The following AMER2 variants were observed in gnomAD, a reference collection of about 807,000 sequenced individuals.
AMER2 encodes APC membrane recruitment protein 2, also known as family with sequence similarity 123A.
Under a neutral mutation model 4.7 loss-of-function variants are expected in AMER2, and 1 was observed. The ratio of observed to expected loss-of-function variants is 0.21; its 90% CI spans 0.07 to 1.00. The LOEUF (loss-of-function observed/expected upper bound fraction) is 1.00. Ranked by LOEUF, AMER2 falls within the 50% of genes least tolerant of loss-of-function variation. The pLI, the probability that AMER2 is intolerant of heterozygous loss-of-function variation, is 0.60. For missense variants in AMER2, 988 were observed against 966.9 expected (o/e 1.02, Z -0.29); for synonymous variants, 485 against 433.3 (o/e 1.12, Z -1.48).
In AMER2 at chr13:25,167,150, TTTCTTC is replaced by T. The variant is rs1294537301; in HGVS notation, c.*2448_*2453del. The stretch of plus-strand genomic sequence containing the variant: ...TCCTAAAATTATGAAAGCAAAAACT[TTTCTTC>T]TACTGCTTAAGAAATAGATTGCCTT... On this transcript the variant is annotated 3_prime_UTR_variant, in exon 1 of 1. Coordinates refer to ENST00000515384, the MANE Select transcript of AMER2 (RefSeq NM_152704.4). 1.7e-4 allele frequency: 26 copies of T among 152,272 alleles called. No homozygotes were observed. Among genetic ancestry groups the T allele is most frequent in the African/African-American group, 5.8e-4 (24 of 41,570 alleles). 9.4% of individuals were successfully genotyped at this position (152,272 alleles called of 1,614,324 possible). A position where few individuals can be genotyped will look rare whatever the true frequency, so the allele number is the denominator to read the frequency against.
In AMER2 at chr13:25,171,505, G is replaced by GGGTCCC. The variant is rs759614388; in HGVS notation, c.109_114dup (p.Gly37_Thr38dup). The GGGTCCC allele has an allele frequency of 5.1e-4, 818 of 1,603,936 alleles. 2 individuals carry two copies. The highest frequency in any genetic ancestry group is 6.6e-4 in the Non-Finnish European group (779 of 1,177,928). On this transcript the variant is annotated inframe_insertion, in exon 1 of 1. Coordinates refer to ENST00000515384, the MANE Select transcript of AMER2 (RefSeq NM_152704.4). This position sits in a 1 kb window ranked among gnomAD's most constrained non-coding sequence, Gnocchi z 5.9. ...CAATGCAAGTCCATGTCTGCCGCGA[G>GGGTCCC]GGTCCCGGTCCCGGCCCCGGCCTCC... is the stretch of plus-strand genomic sequence containing the variant.
At position 25,168,171 on chromosome 13, in the gene AMER2, A is replaced by G; in HGVS notation, c.*1433T>C. 1 of 152,204 alleles carries G rather than the reference A, an allele frequency of 6.6e-6. No individual in the cohort carries two copies. Among genetic ancestry groups the G allele is most frequent in the East Asian group, 1.9e-4 (1 of 5,200 alleles). The allele number at this position is 152,204 out of a possible 1,614,324, so 9.4% of individuals were successfully genotyped here. ...ACTAGGCATATAATAACCCTTTCTG[A>G]AATAAATGTTTCATCTGAAATATTA... On this transcript the variant is annotated 3_prime_UTR_variant, in exon 1 of 1. Coordinates refer to ENST00000515384, the MANE Select transcript of AMER2 (RefSeq NM_152704.4).
rs982747890 is a variant in AMER2 at position 25,170,033 on chromosome 13, C to T, written c.1587G>A (p.Thr529=). The part of the protein sequence containing the change: ...NSDEGYWDST[T]PGPEEDSSSS... ...TCGAGCTGTCTTCCTCTGGGCCTGG[C>T]GTGGTGGAGTCCCAGTAGCCCTCGT... The change falls in exon 1 of 1, where the codon ACG becomes ACA. Residue 529 remains threonine, a synonymous_variant. Transcript: ENST00000515384. This position sits in a 1 kb window ranked among gnomAD's most constrained non-coding sequence, Gnocchi z 7.3. The T allele has an allele frequency of 6.2e-7, 1 of 1,613,690 alleles. No homozygotes were observed. Among genetic ancestry groups the T allele is most frequent in the Non-Finnish European group, 8.5e-7 (1 of 1,179,856 alleles).
In AMER2 at chr13:25,166,152, C is replaced by T. The variant is rs148090159; in HGVS notation, c.*3452G>A. Reference sequence around the variant, plus strand: ...GATGAAGAAATAAATCCTTTAAACACGGTGAGTTATTACCTTCATAGATAT... The same window carrying T: ...GATGAAGAAATAAATCCTTTAAACATGGTGAGTTATTACCTTCATAGATAT... On this transcript the variant is annotated 3_prime_UTR_variant, in exon 1 of 1. Transcript: ENST00000515384. 5.9e-5 allele frequency: 9 copies of T among 152,268 alleles called. No homozygotes were observed. The highest frequency in any genetic ancestry group is 3.9e-4 in the Admixed American group (6 of 15,296). 9.4% of individuals were successfully genotyped at this position (152,268 alleles called of 1,614,324 possible). A position where few individuals can be genotyped will look rare whatever the true frequency, so the allele number is the denominator to read the frequency against.
At position 25,168,745 on chromosome 13, in the gene AMER2, A is replaced by G. The variant is rs1956509411; in HGVS notation, c.*859T>C. 1 of 152,688 alleles carries G rather than the reference A, an allele frequency of 6.5e-6. No individual in the cohort carries two copies. Among genetic ancestry groups the G allele is most frequent in the Non-Finnish European group, 1.5e-5 (1 of 68,048 alleles). 9.5% of individuals were successfully genotyped at this position (152,688 alleles called of 1,614,324 possible). ...AAACGGTAAAATATGCATTATCTTC[A>G]CATGAAAAGGTTTCAGTTTATAAAT... On this transcript the variant is annotated 3_prime_UTR_variant, in exon 1 of 1. Coordinates refer to ENST00000515384, the MANE Select transcript of AMER2 (RefSeq NM_152704.4).
Position 25,170,666 on chromosome 13 carries a change from G to T in AMER2, c.954C>A (p.Asp318Glu), listed in dbSNP as rs1237914039. 6.5e-7 allele frequency: 1 copy of T among 1,547,664 alleles called. No homozygotes were observed. Among genetic ancestry groups the T allele is most frequent in the South Asian group, 1.2e-5 (1 of 83,808 alleles). ...PGPGEVRTAE[D>E]ASRTGAVPVK... The stretch of plus-strand genomic sequence containing the variant: ...CGGGAACGGCCCCCGTCCTGGAAGC[G>T]TCCTCTGCCGTGCGGACCTCCCCGG... Residue 318 changes from aspartate (D) to glutamate (E), a missense_variant, in exon 1 of 1, where the codon GAC (aspartate) becomes GAA (glutamate). Coordinates refer to ENST00000515384, the MANE Select transcript of AMER2 (RefSeq NM_152704.4). This position sits in a 1 kb window ranked among gnomAD's most constrained non-coding sequence, Gnocchi z 7.3.
rs773283297 is a variant in AMER2, at chr13:25,170,927, G to A, written c.693C>T (p.Thr231=). The A allele has an allele frequency of 1.0e-5, 15 of 1,488,284 alleles. No individual in the cohort carries two copies. In the African/African-American group the frequency reaches 1.0e-4, roughly 10 times the overall value. 92.2% of individuals were successfully genotyped at this position (1,488,284 alleles called of 1,614,324 possible). A position where few individuals can be genotyped will look rare whatever the true frequency, so the allele number is the denominator to read the frequency against. The stretch of plus-strand genomic sequence containing the variant: ...CCTCCTTGACGCACTCCAGGCTGGC[G>A]GTGAGCGAGCCGGGTAGGATCAAGC... The part of the protein sequence containing the change: ...GGGLILPGSL[T]ASLECVKEET... Residue 231 remains threonine (T), a synonymous_variant, in exon 1 of 1, where the codon ACC becomes ACT. Coordinates refer to ENST00000515384, the MANE Select transcript of AMER2 (RefSeq NM_152704.4). The surrounding 1 kb of genome is among the most constrained non-coding windows in gnomAD (Gnocchi z 7.3).
Position 25,164,104 on chromosome 13 carries a change from CAA to C in AMER2, c.*5498_*5499del, listed in dbSNP as rs11286133. On this transcript the variant is annotated 3_prime_UTR_variant, in exon 1 of 1. Transcript: ENST00000515384. ...TGGGTGACAGAGTAAGACTCCATCT[CAA>C]AAAAAAAAAAAAAAAAAATTAAAGA... 8.6e-4 allele frequency: 53 copies of C among 61,484 alleles called. No homozygotes were observed. The highest frequency in any genetic ancestry group is 1.7e-3 in the African/African-American group (31 of 17,846). 3.8% of individuals were successfully genotyped at this position (61,484 alleles called of 1,614,324 possible).
chr13:25,171,466 C>G lies in AMER2; in HGVS notation c.154G>C (p.Glu52Gln), dbSNP rs1363682152. The change falls in exon 1 of 1, where the codon GAA becomes CAA. Residue 52 changes from glutamate to glutamine, a missense_variant. Physicochemically the swap from Glu to Gln is conservative, Grantham distance 29. Transcript: ENST00000515384. This position sits in a 1 kb window ranked among gnomAD's most constrained non-coding sequence, Gnocchi z 5.9. ...GACGGCGGCTCGGCGGCCGGCGTTT[C>G]GGCGGCACAGTCACAATGCAAGTCC... ...DMDLHCDCAA[E>Q]TPAAEPPSGK... 4.3e-6 allele frequency: 7 copies of G among 1,610,530 alleles called. No homozygotes were observed. The Admixed American group carries it at 1.0e-4, about 23-fold the overall frequency.
chr13:25,171,692 T>C lies in AMER2; in HGVS notation c.-73A>G, dbSNP rs1270434392. ...AGGCCACTGTCACCCGTATTCTAAA[T>C]CAACCTGAGCCGCGCTCGCCGCCGC... On this transcript the variant is annotated 5_prime_UTR_variant, in exon 1 of 1. The change abolishes the stop of an existing upstream ORF in the 5' untranslated region. Transcript: ENST00000515384. The surrounding 1 kb of genome is among the most constrained non-coding windows in gnomAD (Gnocchi z 5.9). 34 of 1,417,096 alleles carry C rather than the reference T, an allele frequency of 2.4e-5. No homozygotes were observed. Among genetic ancestry groups the C allele is most frequent in the Non-Finnish European group, 3.1e-5 (34 of 1,096,742 alleles). The allele number at this position is 1,417,096 out of a possible 1,614,324, so 87.8% of individuals were successfully genotyped here.
chr13:25,170,598 C>A lies in AMER2; in HGVS notation c.1022G>T (p.Arg341Leu). ...PLVDSEGGSGRAPAAPDPASV... is the reference protein window; with the variant it reads ...PLVDSEGGSGLAPAAPDPASV... Reference sequence around the variant, plus strand: ...GGCAGGGTCTGGGGCGGCGGGCGCCCGGCCGCTGCCGCCTTCGGAGTCGAC... The same window carrying A: ...GGCAGGGTCTGGGGCGGCGGGCGCCAGGCCGCTGCCGCCTTCGGAGTCGAC... Residue 341 changes from arginine to leucine, a missense_variant, in exon 1 of 1, where the codon CGG becomes CTG. Coordinates refer to ENST00000515384, the MANE Select transcript of AMER2 (RefSeq NM_152704.4). This position sits in a 1 kb window ranked among gnomAD's most constrained non-coding sequence, Gnocchi z 7.3. 2 of 1,586,526 alleles carry A rather than the reference C, an allele frequency of 1.3e-6. No individual in the cohort carries two copies. The highest frequency in any genetic ancestry group is 1.8e-5 in the Admixed American group (1 of 54,964).
At position 25,170,869 on chromosome 13, in the gene AMER2, GCTC is replaced by G. The variant is rs1956556998; in HGVS notation, c.748_750del (p.Glu250del). The G allele has an allele frequency of 1.4e-6, 2 of 1,454,226 alleles. No homozygotes were observed. The highest frequency in any genetic ancestry group is 2.9e-5 in the African/African-American group (2 of 68,108). The allele number at this position is 1,454,226 out of a possible 1,614,324, so 90.1% of individuals were successfully genotyped here. ...GGGTCTCGCGGGGCGTCCTGGCTGG[GCTC>G]CTCCGGCTCGCGCGCGGCTCTGGGC... On this transcript the variant is annotated inframe_deletion, in exon 1 of 1. Coordinates refer to ENST00000515384, the MANE Select transcript of AMER2 (RefSeq NM_152704.4). The surrounding 1 kb of genome is among the most constrained non-coding windows in gnomAD (Gnocchi z 7.3).
chr13:25,171,022 C>G lies in AMER2; in HGVS notation c.598G>C (p.Gly200Arg), dbSNP rs753393238. 3.2e-6 allele frequency: 5 copies of G among 1,572,206 alleles called. No homozygotes were observed. The highest frequency in any genetic ancestry group is 2.6e-6 in the Non-Finnish European group (3 of 1,160,850). Reference sequence around the variant, plus strand: ...TTGTCTTTCCTGTGCCAGCGCATGCCGCTGAACAGCCCCCGCAGCCCCCGC... The same window carrying G: ...TTGTCTTTCCTGTGCCAGCGCATGCGGCTGAACAGCCCCCGCAGCCCCCGC... ...QKRGLRGLFS[G>R]MRWHRKDKRA... The change falls in exon 1 of 1, where the codon GGC (glycine) becomes CGC (arginine). Residue 200 changes from glycine to arginine, a missense_variant. Physicochemically the swap from Gly to Arg is moderately radical, Grantham distance 125. Coordinates refer to ENST00000515384, the MANE Select transcript of AMER2 (RefSeq NM_152704.4). This position sits in a 1 kb window ranked among gnomAD's most constrained non-coding sequence, Gnocchi z 5.9.
chr13:25,169,945 A>G lies in AMER2; in HGVS notation c.1675T>C (p.Tyr559His). Residue 559 changes from tyrosine to histidine, a missense_variant, in exon 1 of 1, where the codon TAT becomes CAT. Tyr to His is a moderately conservative substitution (Grantham distance 83). Coordinates refer to ENST00000515384, the MANE Select transcript of AMER2 (RefSeq NM_152704.4). This position sits in a 1 kb window ranked among gnomAD's most constrained non-coding sequence, Gnocchi z 4.2. ...SYSGDALYDL[Y>H]ADPDGSPATL... ...GCTGGACTTCCGTCCGGGTCAGCAT[A>G]GAGATCATAGAGCGCGTCCCCGCTG... is the stretch of plus-strand genomic sequence containing the variant. 1.2e-6 allele frequency: 2 copies of G among 1,613,740 alleles called. No individual in the cohort carries two copies.
In AMER2 at chr13:25,171,269, G is replaced by T; in HGVS notation, c.351C>A (p.Ser117Arg). 1 of 1,496,578 alleles carries T rather than the reference G, an allele frequency of 6.7e-7. No individual in the cohort carries two copies. Among genetic ancestry groups the T allele is most frequent in the Non-Finnish European group, 8.9e-7 (1 of 1,123,732 alleles). 92.7% of individuals were successfully genotyped at this position (1,496,578 alleles called of 1,614,324 possible). ...DGLAEVLVLE[S>R]GRKEEPRGGG... is the part of the protein sequence containing the mutation. The stretch of plus-strand genomic sequence containing the variant: ...CGCCGCGCGGCTCCTCCTTCCTGCC[G>T]CTCTCCAGCACCAGCACCTCGGCAA... The change falls in exon 1 of 1, where the codon AGC becomes AGA. Residue 117 changes from serine to arginine, a missense_variant. Coordinates refer to ENST00000515384, the MANE Select transcript of AMER2 (RefSeq NM_152704.4). This position sits in a 1 kb window ranked among gnomAD's most constrained non-coding sequence, Gnocchi z 5.9.
At position 25,168,188 on chromosome 13, in the gene AMER2, G is replaced by A. The variant is rs983600903; in HGVS notation, c.*1416C>T. On this transcript the variant is annotated 3_prime_UTR_variant, in exon 1 of 1. Coordinates refer to ENST00000515384, the MANE Select transcript of AMER2 (RefSeq NM_152704.4). Reference sequence around the variant, plus strand: ...CCTTTCTGAAATAAATGTTTCATCTGAAATATTAGAAAACATACATAGAAG... The same window carrying A: ...CCTTTCTGAAATAAATGTTTCATCTAAAATATTAGAAAACATACATAGAAG... 2.0e-5 allele frequency: 3 copies of A among 152,132 alleles called. No homozygotes were observed. The highest frequency in any genetic ancestry group is 7.2e-5 in the African/African-American group (3 of 41,412). 9.4% of individuals were successfully genotyped at this position (152,132 alleles called of 1,614,324 possible).
rs924519754 is a variant in AMER2 at position 25,163,774 on chromosome 13, T to C, written c.*5830A>G. 2 of 151,734 alleles carry C rather than the reference T, an allele frequency of 1.3e-5. No individual in the cohort carries two copies. The highest frequency in any genetic ancestry group is 4.8e-5 in the African/African-American group (2 of 41,264). 9.4% of individuals were successfully genotyped at this position (151,734 alleles called of 1,614,324 possible). A position where few individuals can be genotyped will look rare whatever the true frequency, so the allele number is the denominator to read the frequency against. On this transcript the variant is annotated 3_prime_UTR_variant, in exon 1 of 1. Coordinates refer to ENST00000515384, the MANE Select transcript of AMER2 (RefSeq NM_152704.4). ...GAGAGAGATTTGCTGTACAACACTG[T>C]GGCTATAGTTAACAATACTGTATTG...
At position 25,165,713 on chromosome 13, in the gene AMER2, A is replaced by G. The variant is rs1956470864; in HGVS notation, c.*3891T>C. ...AACTTCTTGAATTAATTTCTTAACA[A>G]TGAAGGGGAGCAAAGCATACGTGAA... is the stretch of plus-strand genomic sequence containing the variant. On this transcript the variant is annotated 3_prime_UTR_variant, in exon 1 of 1. Coordinates refer to ENST00000515384, the MANE Select transcript of AMER2 (RefSeq NM_152704.4). 6.6e-6 allele frequency: 1 copy of G among 152,260 alleles called. No individual in the cohort carries two copies. The highest frequency in any genetic ancestry group is 1.5e-5 in the Non-Finnish European group (1 of 68,042). The allele number at this position is 152,260 out of a possible 1,614,324, so 9.4% of individuals were successfully genotyped here.
At position 25,169,963 on chromosome 13, in the gene AMER2, C is replaced by T. The variant is rs147191374; in HGVS notation, c.1657G>A (p.Asp553Asn). The change falls in exon 1 of 1, where the codon GAC becomes AAC. Residue 553 changes from aspartate to asparagine, a missense_variant. Physicochemically the swap from Asp to Asn is conservative, Grantham distance 23. Coordinates refer to ENST00000515384, the MANE Select transcript of AMER2 (RefSeq NM_152704.4). This position sits in a 1 kb window ranked among gnomAD's most constrained non-coding sequence, Gnocchi z 4.2. The stretch of plus-strand genomic sequence containing the variant: ...TCAGCATAGAGATCATAGAGCGCGT[C>T]CCCGCTGTAGCTATCCCGGGGGATG... ...AGIPRDSYSG[D>N]ALYDLYADPD... The T allele has an allele frequency of 3.1e-6, 5 of 1,614,006 alleles. No homozygotes were observed. In the African/African-American group the frequency reaches 6.7e-5, roughly 22 times the overall value.
Sources: allele counts gnomAD v4.1 joint callset, GRCh38; gene constraint gnomAD v4.1.1; non-coding constraint Gnocchi (gnomAD v3.1); transcripts MANE v1.5; gene names NCBI Gene and HGNC (gene_info 2026-07-23, HGNC 2026-07-21).